Variants in UBR4 observed in about 807,000 individuals in gnomAD.
UBR4 encodes E3 ubiquitin-protein ligase UBR4.
Under a neutral mutation model 575.6 loss-of-function variants are expected in UBR4, and 124 were observed. That is an observed-to-expected ratio of 0.22 (90% confidence interval 0.19 to 0.25). UBR4 has a LOEUF of 0.25. Ranked by LOEUF, UBR4 falls within the 10% of genes least tolerant of loss-of-function variation. The probability of loss-of-function intolerance (pLI) is 1.00; values close to 1 mark genes in which losing one functional copy is unlikely to be tolerated. For missense variants in UBR4, 4,818 were observed against 6,478.8 expected (o/e 0.74, Z 8.80); for synonymous variants, 2,455 against 2,473.7 (o/e 0.99, Z 0.22).
intron 104 of UBR4, 118 bp from the exon 105 acceptor site, chr1:19,077,020 A>G: frequency 8.8e-7 from 1 of 1,142,626 alleles, no homozygotes; most frequent in Non-Finnish European, 1.2e-6. Context: ...CCTACACCAA[A>G]GCATACCAAC....
chr1:19,129,351 A>G (rs1362016632), intron 60 of UBR4, among the ~76,000 whole-genome samples: 1 of 152,236 alleles, frequency 6.6e-6, no homozygotes. Context: ...GGAAGTTCAA[A>G]GTATTTCCCA....
At position 19,187,555 on chromosome 1, in the gene UBR4, A is replaced by G. The variant is rs1199160627; in HGVS notation, c.1395-15T>C. On this transcript the variant is annotated splice_polypyrimidine_tract_variant and intron_variant, in intron 11 of 105. Coordinates refer to ENST00000375254, the MANE Select transcript of UBR4 (RefSeq NM_020765.3). ...ATCCCTGATGCCTACACAAAGAAAA[A>G]GGAAAACACAATCCTTAAAATAATT... 3.1e-6 allele frequency: 5 copies of G among 1,605,744 alleles called. No individual in the cohort carries two copies. The highest frequency in any genetic ancestry group is 4.3e-6 in the Non-Finnish European group (5 of 1,173,656).
At position 19,120,177 on chromosome 1, in the gene UBR4, T is replaced by G; in HGVS notation, c.10310+3A>C. 6.2e-7 allele frequency: 1 copy of G among 1,613,854 alleles called. No homozygotes were observed. The highest frequency in any genetic ancestry group is 8.5e-7 in the Non-Finnish European group (1 of 1,179,754). On this transcript the variant is annotated splice_donor_region_variant and intron_variant, in intron 69 of 105. Coordinates refer to ENST00000375254, the MANE Select transcript of UBR4 (RefSeq NM_020765.3). ...GATCTGTCAAACCAAGCCCTGGCCC[T>G]ACCTGTAGATGTGCAGTGTCAGACA...
intron 48 of UBR4, chr1:19,151,021 G>A: frequency 1.7e-6 from 1 of 575,344 alleles, no homozygotes; most frequent in African/African-American, 1.9e-5. Context: ...ACTCAGAAGA[G>A]TCCCTAACCA....
intron 105 of UBR4, 101 bp from the exon 106 acceptor site, chr1:19,074,997 C>T (rs865816244): frequency 6.2e-6 from 8 of 1,284,452 alleles, no homozygotes; most frequent in East Asian, 2.4e-5. Flanking sequence ...CACTGCGGTC[C>T]GACAAGCTCT....
intron 1 of UBR4, among the ~76,000 whole-genome samples, chr1:19,204,454 T>C (rs2092904936): frequency 6.6e-6 from 1 of 152,022 alleles, no homozygotes; most frequent in South Asian, 2.1e-4. Context: ...TTACCAAATC[T>C]AAGAGAAATA....
intron 39 of UBR4, among the ~76,000 whole-genome samples, chr1:19,158,503 T>C (rs961232465): frequency 3.3e-5 from 5 of 152,088 alleles, no homozygotes; most frequent in African/African-American, 1.2e-4. Flanking sequence ...TGGAGTTCAG[T>C]GGTGAGTGCA....
chr1:19,087,685 T>C (rs2077151329), intron 99 of UBR4, 131 bp downstream of exon 99: 3 of 657,640 alleles, frequency 4.6e-6, no homozygotes, highest in African/African-American at 1.8e-5. Flanking sequence ...CTGGTCCTTT[T>C]GTTAATCTCC....
Position 19,139,961 on chromosome 1 carries a change from T to C in UBR4, c.8594-741A>G, listed in dbSNP as rs532599442. ...CCACAGAGCACAGCGGGAACACGACTGGCACAACACAACAGCAACCTCAGA... is the reference window on the plus strand; with the variant it reads ...CCACAGAGCACAGCGGGAACACGACCGGCACAACACAACAGCAACCTCAGA... On this transcript the variant is annotated intron_variant, in intron 58 of 105. Coordinates refer to ENST00000375254, the MANE Select transcript of UBR4 (RefSeq NM_020765.3). This position sits in a 1 kb window ranked among gnomAD's most constrained non-coding sequence, Gnocchi z 4.2. 4.6e-5 allele frequency among the ~76,000 whole-genome samples: 7 copies of C among 152,210 alleles called. No homozygotes were observed. The South Asian group carries it at 1.5e-3, about 32-fold the overall frequency.
chr1:19,156,332 T>G lies in UBR4; in HGVS notation c.6011A>C (p.Lys2004Thr), dbSNP rs745911639. Residue 2004 changes from lysine (K) to threonine (T), a missense_variant, in exon 42 of 106, where the codon AAA becomes ACA. Lys to Thr is a moderately conservative substitution (Grantham distance 78). Transcript: ENST00000375254. ...PQLATGNFII[K>T]AVWLPGSQTE... ...CTGTGAACCAGGTAACCACACGGCT[T>G]TGATGATGAAGTTCCCCGTTGCCAA... 4.3e-6 allele frequency: 7 copies of G among 1,614,040 alleles called. No individual in the cohort carries two copies. The highest frequency in any genetic ancestry group is 2.5e-6 in the Non-Finnish European group (3 of 1,180,020).
At position 19,081,568 on chromosome 1, in the gene UBR4, C is replaced by T. The variant is rs777752706; in HGVS notation, c.15014G>A (p.Arg5005Gln). The stretch of plus-strand genomic sequence containing the variant: ...GTTCTTCTCTTCTCGGGAAGTTGCT[C>T]GGGTTCTAGAAGAAAAGCGGCATGA... ...HTVLYVLNTT[R>Q]ATSREEKNLQ... Residue 5005 changes from arginine (R) to glutamine (Q), a missense_variant, in exon 103 of 106, where the codon CGA becomes CAA. Coordinates refer to ENST00000375254, the MANE Select transcript of UBR4 (RefSeq NM_020765.3). 12 of 1,613,926 alleles carry T rather than the reference C, an allele frequency of 7.4e-6. No homozygotes were observed. The highest frequency in any genetic ancestry group is 1.0e-5 in the Non-Finnish European group (12 of 1,179,990).
intron 1 of UBR4, among the ~76,000 whole-genome samples, chr1:19,205,635 C>T (rs1055816583): frequency 2.2e-5 from 3 of 136,512 alleles, no homozygotes; most frequent in Non-Finnish European, 3.2e-5. Flanking sequence ...CTTTTGGTGG[C>T]GGGCTTTTTT....
Position 19,081,648 on chromosome 1 carries a change from C to T in UBR4, c.15009-75G>A, listed in dbSNP as rs1410705866. ...CGGCAGCAAGAGCAGGAAGAATTTG[C>T]TCAATTTGTCGTTGTCTTGTGACAT... On this transcript the variant is annotated intron_variant, in intron 102 of 105. Coordinates refer to ENST00000375254, the MANE Select transcript of UBR4 (RefSeq NM_020765.3). 22 of 1,523,212 alleles carry T rather than the reference C, an allele frequency of 1.4e-5. 1 individual carries two copies. Among genetic ancestry groups the T allele is most frequent in the Non-Finnish European group, 1.9e-5 (21 of 1,097,216 alleles). 94.4% of individuals were successfully genotyped at this position (1,523,212 alleles called of 1,614,324 possible).
At chr1:19,136,503 C>T (rs1208541482) in intron 60 of UBR4, among the ~76,000 whole-genome samples, 1 of 151,994 alleles carries the variant, frequency 6.6e-6, no homozygotes, top group Non-Finnish European at 1.5e-5. Flanking sequence ...TAAACAACTT[C>T]CAAACTTGCA....
chr1:19,172,679 ACTC>A (rs1317493801), intron 25 of UBR4, among the ~76,000 whole-genome samples, 182 bp downstream of exon 25: 2 of 151,952 alleles, frequency 1.3e-5, no homozygotes, highest in African/African-American at 4.8e-5. Context: ...CTTCCTCCTG[ACTC>A]CTCCTGCACT....
rs1189556087 is a variant in UBR4 at position 19,112,578 on chromosome 1, C to T, written c.11747G>A (p.Arg3916Gln). The change falls in exon 78 of 106, where the codon CGA (arginine) becomes CAA (glutamine). Residue 3916 changes from arginine (R) to glutamine (Q), a missense_variant. By Grantham distance (43) the Arg-to-Gln change is conservative. Transcript: ENST00000375254. Reference protein sequence around the residue: ...IRELFDYNLRRGAAAMREEVR... With the variant: ...IRELFDYNLRQGAAAMREEVR... The stretch of plus-strand genomic sequence containing the variant: ...CTCCTCCCGCATGGCCGCAGCCCCT[C>T]GGCGAAGATTATAATCAAAGAGCTC... 8.7e-6 allele frequency: 14 copies of T among 1,614,042 alleles called. No individual in the cohort carries two copies. Among genetic ancestry groups the T allele is most frequent in the African/African-American group, 1.3e-5 (1 of 74,932 alleles).
rs1376477412 is a variant in UBR4, at chr1:19,151,871, C to T, written c.6997-12G>A. ...GTGAAGCCTCCGGGCTGTAGGGAGACAAGGCACACATCAAGAAACTACAGA... is the reference window on the plus strand; with the variant it reads ...GTGAAGCCTCCGGGCTGTAGGGAGATAAGGCACACATCAAGAAACTACAGA... On this transcript the variant is annotated splice_polypyrimidine_tract_variant and intron_variant, in intron 47 of 105. Transcript: ENST00000375254. 1 of 1,562,488 alleles carries T rather than the reference C, an allele frequency of 6.4e-7. No homozygotes were observed. The highest frequency in any genetic ancestry group is 8.6e-7 in the Non-Finnish European group (1 of 1,156,254).
Position 19,086,756 on chromosome 1 carries a change from C to A in UBR4, c.14610G>T (p.Lys4870Asn). ...KRVALEEMEN[K>N]PRKQQGYSTV... ...TGCTGTAGCCCTGCTGTTTCCGGGG[C>A]TTATTCTCCATCTCCTCCAAGGCTA... Residue 4870 changes from lysine (K) to asparagine (N), a missense_variant, in exon 100 of 106, where the codon AAG becomes AAT. Physicochemically the swap from Lys to Asn is moderately conservative, Grantham distance 94. Around this residue, in one of 29 missense-constraint regions of UBR4, gnomAD observed 196 missense variants for 386.8 expected, o/e 0.51. Transcript: ENST00000375254. 6.2e-7 allele frequency: 1 copy of A among 1,614,214 alleles called. No homozygotes were observed. The highest frequency in any genetic ancestry group is 8.5e-7 in the Non-Finnish European group (1 of 1,180,030).
rs900802422 is a variant in UBR4 at position 19,136,517 on chromosome 1, T to C, written c.8906+1490A>G. Among the ~76,000 whole-genome samples the C allele has an allele frequency of 2.6e-5, 4 of 151,218 alleles. No individual in the cohort carries two copies. The East Asian group carries it at 5.8e-4, about 22-fold the overall frequency. On this transcript the variant is annotated intron_variant, in intron 60 of 105. Coordinates refer to ENST00000375254, the MANE Select transcript of UBR4 (RefSeq NM_020765.3). ...GTAAACAACTTCCAAACTTGCAGAG[T>C]TGGAGGAAAAAAGGAAAGAAACAGG...
Sources: allele counts gnomAD v4.1 joint callset (sites outside exome capture counted in the v4.1 genomes callset), GRCh38; gene constraint gnomAD v4.1.1; regional missense constraint gnomAD v4.1.1; non-coding constraint Gnocchi (gnomAD v3.1); transcripts MANE v1.5; gene names NCBI Gene and HGNC (gene_info 2026-07-23, HGNC 2026-07-21).